GABRG3: variants seen among roughly 807,000 people sequenced by gnomAD.
The protein encoded by GABRG3 is gamma-aminobutyric acid receptor subunit gamma-3.
A neutral mutation model predicts 48.8 loss-of-function variants in GABRG3; 25 were observed. The observed-to-expected ratio is 0.51, with a 90% CI of 0.37 to 0.72. GABRG3 has a LOEUF of 0.72. Ranked by LOEUF, GABRG3 falls within the 30% of genes least tolerant of loss-of-function variation. The pLI is 0.00. For missense variants in GABRG3, 394 were observed against 577.9 expected (o/e 0.68, Z 3.26); for synonymous variants, 227 against 217.6 (o/e 1.04, Z -0.38).
intron 5 of GABRG3, among the ~76,000 whole-genome samples, chr15:27,444,958 A>G (rs1365284842): frequency 1.3e-5 from 2 of 151,788 alleles, no homozygotes; most frequent in Non-Finnish European, 2.9e-5. Context: ...TGCAACCTCC[A>G]CCTCCCAGGT....
At chr15:27,254,647 A>G (rs1434653026) in intron 3 of GABRG3, among the ~76,000 whole-genome samples, 1 of 152,006 alleles carries the variant, frequency 6.6e-6, no homozygotes. Flanking sequence ...GGAAAGGACA[A>G]GGCCGCTCTC....
At chr15:27,388,313 G>A (rs1481326780) in intron 5 of GABRG3, among the ~76,000 whole-genome samples, 1 of 38,068 alleles carries the variant, frequency 2.6e-5, no homozygotes, top group Non-Finnish European at 5.3e-5. Context: ...GGAAAGGGAG[G>A]GAGGGAAAAG....
intron 6 of GABRG3, among the ~76,000 whole-genome samples, chr15:27,506,208 C>G (rs533336074): frequency 7.2e-5 from 11 of 152,306 alleles, no homozygotes; most frequent in African/African-American, 2.6e-4. Flanking sequence ...CCACCTGCTA[C>G]ATAATCTTTC....
At chr15:27,223,306 C>T (rs1480243779) in intron 3 of GABRG3, among the ~76,000 whole-genome samples, 1 of 152,200 alleles carries the variant, frequency 6.6e-6, no homozygotes, top group East Asian at 1.9e-4. Context: ...GTCTAGGTCC[C>T]TTGCATGCTG....
chr15:26,979,268 A>G (rs894882213), intron 2 of GABRG3, among the ~76,000 whole-genome samples: 3 of 152,126 alleles, frequency 2.0e-5, no homozygotes, highest in African/African-American at 4.8e-5. Context: ...TTCTATGTAC[A>G]CCATCATTGT....
intron 3 of GABRG3, among the ~76,000 whole-genome samples, chr15:27,084,583 A>C (rs563515876): frequency 1.8e-4 from 27 of 152,350 alleles, no homozygotes; most frequent in African/African-American, 6.3e-4. Flanking sequence ...TGCATGGCAC[A>C]AGAGTCAGAG....
At chr15:27,512,060 C>A (rs989211638) in intron 6 of GABRG3, among the ~76,000 whole-genome samples, 9 of 152,146 alleles carry the variant, frequency 5.9e-5, no homozygotes, top group African/African-American at 2.2e-4. Context: ...TAGTCCAAGC[C>A]ACGCTCTTAG....
chr15:27,059,045 C>T (rs1172979135), intron 3 of GABRG3, among the ~76,000 whole-genome samples: 1 of 152,170 alleles, frequency 6.6e-6, no homozygotes, highest in African/African-American at 2.4e-5. Flanking sequence ...AACTAATTCA[C>T]TGAATTGGAA....
intron 3 of GABRG3, among the ~76,000 whole-genome samples, chr15:27,249,180 T>C (rs1296597155): frequency 6.6e-6 from 1 of 152,092 alleles, no homozygotes; most frequent in Admixed American, 6.5e-5. Context: ...GGAAGCTGCG[T>C]CCCGGCCACC....
At chr15:27,151,671 T>C (rs1179410583) in intron 3 of GABRG3, among the ~76,000 whole-genome samples, 2 of 151,994 alleles carry the variant, frequency 1.3e-5, no homozygotes, top group Admixed American at 6.6e-5. Context: ...GAAAAATAAA[T>C]GTGAAAAGGA....
At chr15:27,449,728 T>C (rs1259515441) in intron 5 of GABRG3, among the ~76,000 whole-genome samples, 1 of 152,214 alleles carries the variant, frequency 6.6e-6, no homozygotes, top group Non-Finnish European at 1.5e-5. Flanking sequence ...GCATGGTTAA[T>C]GACAATGAAG....
intron 3 of GABRG3, among the ~76,000 whole-genome samples, chr15:27,188,578 GT>G (rs1002713444): frequency 1.0e-4 from 15 of 150,450 alleles, no homozygotes; most frequent in African/African-American, 3.2e-4. Flanking sequence ...GGGGTTGTTT[GT>G]TTTTTTCTTG....
chr15:27,198,723 A>G (rs186029370), intron 3 of GABRG3, among the ~76,000 whole-genome samples: 2 of 152,350 alleles, frequency 1.3e-5, no homozygotes, highest in East Asian at 1.9e-4. Flanking sequence ...ACTATTCACG[A>G]TAGCAAAGAC....
In GABRG3 at chr15:27,362,088, G is replaced by A. The variant is rs552886756; in HGVS notation, c.574+33200G>A. ...GATAATGACACACGTTAATCATTCAGAATGATTTGTTATTTGTTCGCATGA... is the reference window on the plus strand; with the variant it reads ...GATAATGACACACGTTAATCATTCAAAATGATTTGTTATTTGTTCGCATGA... On this transcript the variant is annotated intron_variant, in intron 5 of 9. Transcript: ENST00000615808. 2.0e-5 allele frequency among the ~76,000 whole-genome samples: 3 copies of A among 152,296 alleles called. No individual in the cohort carries two copies. In the South Asian group the frequency reaches 6.2e-4, roughly 32 times the overall value.
Position 27,083,822 on chromosome 15 carries a change from G to A in GABRG3, c.270+57001G>A, listed in dbSNP as rs535452304. ...TGGGGCATGGGTGTTTCAAATACCC[G>A]TTAGCAGTGTTTAAATAGGTAATTG... On this transcript the variant is annotated intron_variant, in intron 3 of 9. Transcript: ENST00000615808. 1.6e-4 allele frequency among the ~76,000 whole-genome samples: 24 copies of A among 152,312 alleles called. No individual in the cohort carries two copies. The South Asian group carries it at 3.5e-3, about 22-fold the overall frequency.
chr15:27,494,727 T>C (rs951238324), intron 6 of GABRG3, among the ~76,000 whole-genome samples: 1 of 152,160 alleles, frequency 6.6e-6, no homozygotes, highest in African/African-American at 2.4e-5. Flanking sequence ...TATTATCTTT[T>C]TGGGGGGGCC....
At chr15:27,223,457 T>C (rs1353057611) in intron 3 of GABRG3, among the ~76,000 whole-genome samples, 1 of 152,158 alleles carries the variant, frequency 6.6e-6, no homozygotes, top group Admixed American at 6.5e-5. Context: ...CTTCAAGTTT[T>C]AAGACCAGAG....
At chr15:27,255,879 A>G (rs1890595313) in intron 3 of GABRG3, among the ~76,000 whole-genome samples, 1 of 149,810 alleles carries the variant, frequency 6.7e-6, no homozygotes, top group African/African-American at 2.6e-5. Flanking sequence ...AGAAACGGGA[A>G]GAGCATGTGT....
intron 5 of GABRG3, among the ~76,000 whole-genome samples, chr15:27,403,509 A>C (rs1035955644): frequency 6.6e-6 from 1 of 152,208 alleles, no homozygotes; most frequent in Non-Finnish European, 1.5e-5. Context: ...TATTGAAAGC[A>C]CCTAGAGACA....
Sources: allele counts gnomAD v4.1 joint callset (sites outside exome capture counted in the v4.1 genomes callset), GRCh38; gene constraint gnomAD v4.1.1; transcripts MANE v1.5; gene names NCBI Gene and HGNC (gene_info 2026-07-23, HGNC 2026-07-21).